The following ADGB variants were observed in gnomAD, a reference collection of about 807,000 sequenced individuals.
ADGB encodes the protein calpain-7-like protein.
In ADGB, 172 loss-of-function variants were observed where a neutral mutation model predicts 210.5. The ratio of observed to expected loss-of-function variants is 0.82; its 90% CI spans 0.72 to 0.93. The LOEUF (loss-of-function observed/expected upper bound fraction) is 0.93. Ranked by LOEUF, ADGB falls within the 40% of genes least tolerant of loss-of-function variation. ADGB has a pLI of 0.00. For missense variants in ADGB, 2,025 were observed against 1,964.8 expected (o/e 1.03, Z -0.58); for synonymous variants, 658 against 662.7 (o/e 0.99, Z 0.11).
chr6:146,801,771 A>G (rs1303329837), intron 34 of ADGB, 57 bp from the exon 35 acceptor site: 1 of 1,411,158 alleles, frequency 7.1e-7, no homozygotes, highest in African/African-American at 1.5e-5. Flanking sequence ...TCTAAAGTGA[A>G]GCTTATTCCA....
intron 2 of ADGB, among the ~76,000 whole-genome samples, chr6:146,642,403 T>C (rs1775530829): frequency 6.6e-6 from 1 of 151,884 alleles, no homozygotes; most frequent in Non-Finnish European, 1.5e-5. Context: ...CAGAGCAACA[T>C]AAGTCATTCT....
chr6:146,629,452 A>G (rs1394392940), intron 1 of ADGB, among the ~76,000 whole-genome samples: 1 of 152,200 alleles, frequency 6.6e-6, no homozygotes, highest in East Asian at 1.9e-4. Flanking sequence ...CACATATTTG[A>G]TGCGTTACAA....
At chr6:146,792,382 C>G (rs1777966562) in intron 33 of ADGB, among the ~76,000 whole-genome samples, 1 of 152,100 alleles carries the variant, frequency 6.6e-6, no homozygotes, top group African/African-American at 2.4e-5. Flanking sequence ...ATTTATGTCA[C>G]CTTCAATTTC....
chr6:146,788,819 AAGC>A (rs760281961), intron 33 of ADGB, among the ~76,000 whole-genome samples: 1 of 152,162 alleles, frequency 6.6e-6, no homozygotes, highest in Non-Finnish European at 1.5e-5. Context: ...AAGTGGGCAA[AAGC>A]CCCCCTACAG....
intron 29 of ADGB, among the ~76,000 whole-genome samples, chr6:146,780,815 G>A (rs1777787797): frequency 6.6e-6 from 1 of 152,012 alleles, no homozygotes; most frequent in African/African-American, 2.4e-5. Flanking sequence ...CAAGGAAATA[G>A]AAGGCTTGAA....
At chr6:146,696,618 T>C (rs112476245) in intron 12 of ADGB, among the ~76,000 whole-genome samples, 6 of 152,198 alleles carry the variant, frequency 3.9e-5, no homozygotes, top group African/African-American at 1.4e-4. Flanking sequence ...GAAAATATTA[T>C]ATGTAAAACA....
At position 146,728,629 on chromosome 6, in the gene ADGB, T is replaced by A; in HGVS notation, c.2408T>A (p.Val803Glu). Residue 803 changes from valine (V) to glutamate (E), a missense_variant, in exon 20 of 36, where the codon GTG becomes GAG. By Grantham distance (121) the Val-to-Glu change is moderately radical. Transcript: ENST00000397944. ...SLLIMKAIGNVIANFKDKGKL... is the reference protein window; with the variant it reads ...SLLIMKAIGNEIANFKDKGKL... ...TTGATTATGAAAGCTATTGGAAATGTGATTGCTAATTTCAAAGATAAGGGT... is the reference window on the plus strand; with the variant it reads ...TTGATTATGAAAGCTATTGGAAATGAGATTGCTAATTTCAAAGATAAGGGT... 6.4e-7 allele frequency: 1 copy of A among 1,551,658 alleles called. No individual in the cohort carries two copies. The highest frequency in any genetic ancestry group is 8.7e-7 in the Non-Finnish European group (1 of 1,146,952).
chr6:146,644,692 C>T (rs1365687362), intron 2 of ADGB, 81 bp from the exon 3 acceptor site: 2 of 822,694 alleles, frequency 2.4e-6, no homozygotes, highest in Admixed American at 7.0e-5. Context: ...CAAATCTATG[C>T]ACTTATTTCT....
At chr6:146,813,372 A>T (rs1778331757) in intron 35 of ADGB, among the ~76,000 whole-genome samples, 1 of 151,996 alleles carries the variant, frequency 6.6e-6, no homozygotes, top group Non-Finnish European at 1.5e-5. Context: ...TTGTGTTCTC[A>T]CCTGTGCCAA....
At chr6:146,613,247 C>A (rs9390399) in intron 1 of ADGB, among the ~76,000 whole-genome samples, 86,546 of 152,044 alleles carry the variant, frequency 0.57, 24,775 homozygotes, top group Admixed American at 0.65. Flanking sequence ...CCAAGTGAAT[C>A]AAACGTAACA....
chr6:146,692,955 G>T, intron 12 of ADGB, 40 bp downstream of exon 12: 2 of 1,163,800 alleles, frequency 1.7e-6, no homozygotes, highest in East Asian at 5.2e-5. Context: ...TGTCTTGTTA[G>T]TAAATACTTT....
At chr6:146,671,655 A>C (rs921667263) in intron 7 of ADGB, among the ~76,000 whole-genome samples, 7 of 152,182 alleles carry the variant, frequency 4.6e-5, no homozygotes, top group African/African-American at 1.7e-4. Context: ...GTAAAATGGC[A>C]AGAACACCAA....
At chr6:146,600,342 C>G (rs182809271) in intron 1 of ADGB, 2 of 270,908 alleles carry the variant, frequency 7.4e-6, no homozygotes, top group Non-Finnish European at 1.6e-5. Flanking sequence ...GGTCCAAGGC[C>G]GAGGACGCCC....
Position 146,782,052 on chromosome 6 carries a change from T to G in ADGB, c.3895T>G (p.Leu1299Val), listed in dbSNP as rs1403281793. 1 of 1,513,670 alleles carries G rather than the reference T, an allele frequency of 6.6e-7. No homozygotes were observed. Among genetic ancestry groups the G allele is most frequent in the African/African-American group, 1.4e-5 (1 of 70,602 alleles). 93.8% of individuals were successfully genotyped at this position (1,513,670 alleles called of 1,614,324 possible). The change falls in exon 30 of 36, where the codon TTA (leucine) becomes GTA (valine). Residue 1299 changes from leucine to valine, a missense_variant. Physicochemically the swap from Leu to Val is conservative, Grantham distance 32 (BLOSUM62 1). Coordinates refer to ENST00000397944, the MANE Select transcript of ADGB (RefSeq NM_024694.4). ...YGERHEELIN[L>V]GSPDSHTISE... ...TGAAAGACACGAGGAGTTAATTAAC[T>G]TAGGAAGCCCAGACTCCCACACTAT...
rs1176155202 is a variant in ADGB, at chr6:146,635,401, A to T, written c.101A>T (p.Gln34Leu). Residue 34 changes from glutamine to leucine, a missense_variant, in exon 2 of 36, where the codon CAA becomes CTA. Coordinates refer to ENST00000397944, the MANE Select transcript of ADGB (RefSeq NM_024694.4). The stretch of plus-strand genomic sequence containing the variant: ...TTCTATCCTTTTGGCAGTAATGTAC[A>T]ATCTGGTTCTACTGAACAAAAGAAG... ...KDFYPFGSNV[Q>L]SGSTEQKKGK... is the part of the protein sequence containing the mutation. 1 of 1,541,556 alleles carries T rather than the reference A, an allele frequency of 6.5e-7. No homozygotes were observed. The highest frequency in any genetic ancestry group is 8.8e-7 in the Non-Finnish European group (1 of 1,142,238).
chr6:146,641,864 G>T (rs1775519772), intron 2 of ADGB, among the ~76,000 whole-genome samples: 2 of 151,932 alleles, frequency 1.3e-5, no homozygotes, highest in Admixed American at 1.3e-4. Flanking sequence ...TCATGACGAA[G>T]CCACCAAAAG....
intron 1 of ADGB, among the ~76,000 whole-genome samples, chr6:146,623,926 G>T (rs1020428656): frequency 1.3e-5 from 2 of 151,778 alleles, no homozygotes; most frequent in Admixed American, 1.3e-4. Context: ...AACTCTAATT[G>T]ATCATGATGT....
At chr6:146,723,071 T>C (rs965255001) in intron 17 of ADGB, among the ~76,000 whole-genome samples, 1 of 152,162 alleles carries the variant, frequency 6.6e-6, no homozygotes, top group Non-Finnish European at 1.5e-5. Flanking sequence ...TAAACTGAAA[T>C]ATCGTCAATG....
intron 13 of ADGB, among the ~76,000 whole-genome samples, chr6:146,704,943 T>A (rs1012027563): frequency 1.3e-5 from 2 of 152,146 alleles, no homozygotes; most frequent in Non-Finnish European, 2.9e-5. Flanking sequence ...TTTAACAATA[T>A]GAATTCTTTC....
Sources: allele counts gnomAD v4.1 joint callset (sites outside exome capture counted in the v4.1 genomes callset), GRCh38; gene constraint gnomAD v4.1.1; transcripts MANE v1.5; gene names NCBI Gene and HGNC (gene_info 2026-07-23, HGNC 2026-07-21).